MTRF1: variants seen among roughly 807,000 people sequenced by gnomAD.
The protein encoded by MTRF1 is peptide chain release factor 1, mitochondrial.
In MTRF1, 51 loss-of-function variants were observed where a neutral mutation model predicts 62.9. The ratio of observed to expected loss-of-function variants is 0.81; its 90% CI spans 0.65 to 1.02. The LOEUF (loss-of-function observed/expected upper bound fraction) is 1.02. Among genes scored for constraint, MTRF1 ranks in the 50% least tolerant of loss-of-function variants. The probability of loss-of-function intolerance (pLI) is 0.00; values close to 1 mark genes in which losing one functional copy is unlikely to be tolerated. For missense variants in MTRF1, 446 were observed against 530.0 expected, an observed-to-expected ratio of 0.84 and a Z score of 1.56; for synonymous variants, 158 against 181.9, an observed-to-expected ratio of 0.87 and a Z score of 1.06.
the MTRF1 span, chr13:41,311,470 A>G: frequency 6.5e-7 from 1 of 1,529,202 alleles, no homozygotes. Context: ...ACCCCCGCGA[A>G]GCGGAGCGCC....
chr13:41,305,561 C>T, the MTRF1 span, among the ~76,000 whole-genome samples: 1 of 152,232 alleles, frequency 6.6e-6, no homozygotes, highest in Admixed American at 6.5e-5. Context: ...CGCTACACTC[C>T]AGCCACGTCC....
At chr13:41,239,254 T>TAA in intron 6 of MTRF1, among the ~76,000 whole-genome samples, 1 of 152,130 alleles carries the variant, frequency 6.6e-6, no homozygotes, top group African/African-American at 2.4e-5. Flanking sequence ...GATAAATAAA[T>TAA]AGCTATTAAA....
the MTRF1 span, chr13:41,311,193 C>T: frequency 8.7e-6 from 4 of 457,498 alleles, no homozygotes; most frequent in Non-Finnish European, 1.6e-5. Context: ...TAGTCACCCG[C>T]AGCCCCTCGC....
Position 41,223,246 on chromosome 13 carries a change from G to GGCA in MTRF1, c.1224+9_1224+10insTGC. The GGCA allele has an allele frequency of 2.5e-6, 4 of 1,584,520 alleles. No homozygotes were observed. Among genetic ancestry groups the GGCA allele is most frequent in the Non-Finnish European group, 3.5e-6 (4 of 1,155,088 alleles). The stretch of plus-strand genomic sequence containing the variant: ...ATCAAAGGTAGGCAAAGCATACTCA[G>GGCA]TAGTATTACCTTAATATCACGAACT... On this transcript the variant is annotated intron_variant, in intron 9 of 9. Coordinates refer to ENST00000379480, the MANE Select transcript of MTRF1 (RefSeq NM_004294.4).
the MTRF1 span, among the ~76,000 whole-genome samples, chr13:41,288,487 A>G: frequency 6.6e-6 from 1 of 152,324 alleles, no homozygotes; most frequent in Non-Finnish European, 1.5e-5. Flanking sequence ...TCTTTTGAAA[A>G]TGCTAAAATA....
At chr13:41,262,691 T>C (rs1370408860) in intron 1 of MTRF1, among the ~76,000 whole-genome samples, 3 of 152,090 alleles carry the variant, frequency 2.0e-5, no homozygotes. Flanking sequence ...CCACGCACAG[T>C]AGCATGCACC....
chr13:41,284,543 C>CAAA, the MTRF1 span, among the ~76,000 whole-genome samples: 1 of 70,650 alleles, frequency 1.4e-5, no homozygotes, highest in African/African-American at 5.4e-5. Flanking sequence ...GACCGTGTCT[C>CAAA]AAAAAAAAAA....
chr13:41,276,071 A>G, the MTRF1 span, among the ~76,000 whole-genome samples: 2 of 152,122 alleles, frequency 1.3e-5, no homozygotes, highest in Non-Finnish European at 2.9e-5. Flanking sequence ...ACATAACAGG[A>G]CACCCCATAA....
chr13:41,218,281 A>ATTTTTTTTTT (rs199717534), intron 9 of MTRF1, among the ~76,000 whole-genome samples: 1 of 117,830 alleles, frequency 8.5e-6, no homozygotes, highest in African/African-American at 3.2e-5. Context: ...CACCCAGCTA[A>ATTTTTTTTTT]TTTTTTTTTT....
rs775842254 is a variant in MTRF1, at chr13:41,260,457, G to C, written c.415+36C>G. 18 of 1,493,992 alleles carry C rather than the reference G, an allele frequency of 1.2e-5. No individual in the cohort carries two copies. In the Admixed American group the frequency reaches 3.0e-4, roughly 25 times the overall value. 92.5% of individuals were successfully genotyped at this position (1,493,992 alleles called of 1,614,324 possible). On this transcript the variant is annotated intron_variant, in intron 2 of 9. Coordinates refer to ENST00000379480, the MANE Select transcript of MTRF1 (RefSeq NM_004294.4). ...TAAGTGTGTGGTTTTTTTTTTCATA[G>C]CCCTTATGCAGGACACATAAGTATC...
At chr13:41,226,364 C>T in intron 8 of MTRF1, 68 bp downstream of exon 8, 1 of 1,480,870 alleles carries the variant, frequency 6.8e-7, no homozygotes, top group Non-Finnish European at 9.2e-7. Context: ...AGAACAAACA[C>T]TGCATTCTCT....
At chr13:41,272,508 ACTGAG>A in the MTRF1 span, among the ~76,000 whole-genome samples, 1 of 152,166 alleles carries the variant, frequency 6.6e-6, no homozygotes, top group Non-Finnish European at 1.5e-5. Flanking sequence ...GATTAGACCA[ACTGAG>A]GTAGAGTTGG....
chr13:41,305,921 T>C, the MTRF1 span, among the ~76,000 whole-genome samples: 5 of 152,082 alleles, frequency 3.3e-5, no homozygotes, highest in African/African-American at 1.2e-4. Flanking sequence ...ACCTTATCTA[T>C]TTGTTTATGT....
intron 1 of MTRF1, 53 bp from the exon 2 acceptor site, chr13:41,260,968 G>C (rs1429949617): frequency 7.6e-6 from 11 of 1,439,526 alleles, no homozygotes; most frequent in Non-Finnish European, 9.3e-6. Context: ...AAAGATACAT[G>C]CATAATAAAC....
At chr13:41,299,386 G>A in the MTRF1 span, among the ~76,000 whole-genome samples, 1 of 152,130 alleles carries the variant, frequency 6.6e-6, no homozygotes, top group East Asian at 1.9e-4. Context: ...TTCTTTTAGA[G>A]CCGGCTTTTA....
At chr13:41,229,915 A>C (rs2035201775) in intron 7 of MTRF1, among the ~76,000 whole-genome samples, 1 of 152,174 alleles carries the variant, frequency 6.6e-6, no homozygotes, top group Non-Finnish European at 1.5e-5. Context: ...AGCCTGGCCA[A>C]CATGGTGAAA....
At chr13:41,310,381 G>C in the MTRF1 span, among the ~76,000 whole-genome samples, 2 of 152,038 alleles carry the variant, frequency 1.3e-5, no homozygotes, top group African/African-American at 4.8e-5. Context: ...TTATAAAACC[G>C]TAATTCCGGC....
the MTRF1 span, among the ~76,000 whole-genome samples, chr13:41,309,341 A>AGTGTGTGTGTGTGTGTGTGT: frequency 2.2e-3 from 303 of 135,650 alleles, 3 homozygotes; most frequent in Non-Finnish European, 3.1e-3. Flanking sequence ...ATGCCCAGCT[A>AGTGTGTGTGTGTGTGTGTGT]GTGTGTGTGT....
the MTRF1 span, among the ~76,000 whole-genome samples, chr13:41,309,607 T>C: frequency 6.6e-6 from 1 of 152,080 alleles, no homozygotes; most frequent in African/African-American, 2.4e-5. Context: ...AGGACTCCTA[T>C]GATGCTTTAA....
Sources: allele counts gnomAD v4.1 joint callset (sites outside exome capture counted in the v4.1 genomes callset), GRCh38; gene constraint gnomAD v4.1.1; transcripts MANE v1.5; gene names NCBI Gene and HGNC (gene_info 2026-07-23, HGNC 2026-07-21).